TRAPPC9: variants seen among roughly 807,000 people sequenced by gnomAD.
TRAPPC9 encodes the protein trafficking protein particle complex subunit 9, also known as IKK2 binding protein.
In TRAPPC9, 83 loss-of-function variants were observed where a neutral mutation model predicts 124.0. The observed-to-expected ratio is 0.67, with a 90% CI of 0.56 to 0.80. The LOEUF is 0.80. Ranked by LOEUF, TRAPPC9 falls within the 30% of genes least tolerant of loss-of-function variation. The probability of loss-of-function intolerance (pLI) is 0.00; values close to 1 mark genes in which losing one functional copy is unlikely to be tolerated. For synonymous variants in TRAPPC9, 638 were observed against 617.5 expected, an observed-to-expected ratio of 1.03 and a Z score of -0.49; for missense variants, 1,302 against 1,508.3, an observed-to-expected ratio of 0.86 and a Z score of 2.27.
intron 21 of TRAPPC9, among the ~76,000 whole-genome samples, chr8:139,737,469 C>CCG (rs1390674300): frequency 9.0e-6 from 1 of 111,282 alleles, no homozygotes; most frequent in African/African-American, 3.1e-5. Flanking sequence ...TCAGCCCTCC[C>CCG]CCCCCCCCCA....
upstream of TRAPPC9, chr8:140,457,784 C>T (rs1006552226): frequency 2.0e-6 from 2 of 1,012,202 alleles, no homozygotes; most frequent in Non-Finnish European, 1.2e-6. Flanking sequence ...TGCGCGGAGG[C>T]CAGGCCTGGG....
intron 17 of TRAPPC9, among the ~76,000 whole-genome samples, chr8:140,186,575 A>G (rs1274933196): frequency 6.6e-6 from 1 of 152,234 alleles, no homozygotes; most frequent in African/African-American, 2.4e-5. Context: ...CTCAAAAAAA[A>G]AAAAGTTATT....
At chr8:140,422,753 C>CAAAA (rs34303137) in intron 5 of TRAPPC9, among the ~76,000 whole-genome samples, 1 of 104,096 alleles carries the variant, frequency 9.6e-6, no homozygotes, top group Non-Finnish European at 1.8e-5. Context: ...GATTCTGTCT[C>CAAAA]AAAAAAAAAA....
chr8:139,741,979 C>A (rs1818591273), intron 21 of TRAPPC9, among the ~76,000 whole-genome samples: 1 of 152,174 alleles, frequency 6.6e-6, no homozygotes, highest in Admixed American at 6.5e-5. Flanking sequence ...CTGCTGTGCA[C>A]ATTTATGGAG....
At position 140,417,602 on chromosome 8, in the gene TRAPPC9, T is replaced by C. The variant is rs776132486; in HGVS notation, c.886+9013A>G. Among the ~76,000 whole-genome samples, 10 of 152,318 alleles carry C rather than the reference T, an allele frequency of 6.6e-5. 1 individual carries two copies. Among genetic ancestry groups the C allele is most frequent in the African/African-American group, 2.2e-4 (9 of 41,584 alleles). On this transcript the variant is annotated intron_variant, in intron 5 of 22. Coordinates refer to ENST00000438773, the MANE Select transcript of TRAPPC9 (RefSeq NM_001160372.4). ...ATGTGGAGAAATAGGAATGCCTTTATACTGTTGGTGGGAGTGTAAATTAGT... is the reference window on the plus strand; with the variant it reads ...ATGTGGAGAAATAGGAATGCCTTTACACTGTTGGTGGGAGTGTAAATTAGT...
intron 21 of TRAPPC9, among the ~76,000 whole-genome samples, chr8:139,834,981 C>T (rs892098638): frequency 7.2e-5 from 11 of 152,230 alleles, no homozygotes; most frequent in Non-Finnish European, 1.6e-4. Context: ...TATTTCATGC[C>T]GGTGCTGACT....
chr8:140,092,826 G>T (rs1263577746), intron 17 of TRAPPC9, among the ~76,000 whole-genome samples: 1 of 152,156 alleles, frequency 6.6e-6, no homozygotes, highest in African/African-American at 2.4e-5. Context: ...ACAGCATAAG[G>T]GTTAAGAGAA....
intron 9 of TRAPPC9, among the ~76,000 whole-genome samples, chr8:140,337,164 C>T (rs2177152): frequency 0.63 from 95,501 of 152,010 alleles, 30,377 homozygotes; most frequent in African/African-American, 0.74. Context: ...CACACGCAGC[C>T]GCGGAAGCCC....
intron 12 of TRAPPC9, among the ~76,000 whole-genome samples, chr8:140,290,446 G>A (rs1372319199): frequency 6.6e-6 from 1 of 152,202 alleles, no homozygotes; most frequent in African/African-American, 2.4e-5. Context: ...CCCCTGACTA[G>A]AGAATTGGGT....
At chr8:140,124,785 G>T (rs1563779310) in intron 17 of TRAPPC9, among the ~76,000 whole-genome samples, 1 of 152,226 alleles carries the variant, frequency 6.6e-6, no homozygotes, top group Non-Finnish European at 1.5e-5. Flanking sequence ...CTCCCACAGG[G>T]AGGGCAGCAT....
At chr8:140,452,567 T>A (rs972564007) in intron 1 of TRAPPC9, among the ~76,000 whole-genome samples, 2 of 152,092 alleles carry the variant, frequency 1.3e-5, no homozygotes, top group African/African-American at 2.4e-5. Flanking sequence ...CTTTCCTTTA[T>A]AAATGGGAGA....
chr8:139,896,501 C>T (rs2131188795), intron 20 of TRAPPC9, among the ~76,000 whole-genome samples: 1 of 152,300 alleles, frequency 6.6e-6, no homozygotes, highest in Non-Finnish European at 1.5e-5. Flanking sequence ...CTGTTATTTT[C>T]ATTTCAAAGA....
intron 17 of TRAPPC9, among the ~76,000 whole-genome samples, chr8:140,111,785 G>C (rs1001138290): frequency 6.6e-6 from 1 of 152,262 alleles, no homozygotes; most frequent in Admixed American, 6.5e-5. Context: ...ACTTTGTCCT[G>C]AAAAAGTGAT....
chr8:140,419,436 A>AC (rs1164443373), intron 5 of TRAPPC9, among the ~76,000 whole-genome samples: 22 of 142,814 alleles, frequency 1.5e-4, no homozygotes, highest in African/African-American at 5.2e-4. Flanking sequence ...CTCAAAAAAA[A>AC]AAAAAAAAAA....
intron 21 of TRAPPC9, among the ~76,000 whole-genome samples, chr8:139,787,361 A>T (rs1396844604): frequency 1.3e-5 from 2 of 152,078 alleles, no homozygotes; most frequent in African/African-American, 4.8e-5. Flanking sequence ...TTTCATCCTC[A>T]CTGCAGCCTT....
intron 9 of TRAPPC9, among the ~76,000 whole-genome samples, chr8:140,325,622 C>G (rs11998397): frequency 0.095 from 14,469 of 152,148 alleles, 801 homozygotes; most frequent in African/African-American, 0.15. Flanking sequence ...AATCTGTAAT[C>G]CAAACTCCCA....
intron 21 of TRAPPC9, among the ~76,000 whole-genome samples, chr8:139,832,236 C>T (rs537894010): frequency 6.6e-6 from 1 of 152,332 alleles, no homozygotes; most frequent in African/African-American, 2.4e-5. Context: ...ATGAGCAAAA[C>T]GGCCTCTTTC....
At chr8:140,066,942 A>G (rs1299949330) in intron 17 of TRAPPC9, among the ~76,000 whole-genome samples, 1 of 152,218 alleles carries the variant, frequency 6.6e-6, no homozygotes, top group East Asian at 1.9e-4. Context: ...ATCTACTGAC[A>G]GGCACCCTCT....
chr8:140,147,101 G>C (rs2061474855), intron 17 of TRAPPC9, among the ~76,000 whole-genome samples: 1 of 152,128 alleles, frequency 6.6e-6, no homozygotes, highest in African/African-American at 2.4e-5. Context: ...TCATTTTCCA[G>C]TTTCATATTT....
Sources: allele counts gnomAD v4.1 joint callset (sites outside exome capture counted in the v4.1 genomes callset), GRCh38; gene constraint gnomAD v4.1.1; transcripts MANE v1.5; gene names NCBI Gene and HGNC (gene_info 2026-07-23, HGNC 2026-07-21).